Variants in CYP2J2 observed in about 807,000 individuals in gnomAD.
CYP2J2 encodes cytochrome P450 2J2.
In CYP2J2, 41 loss-of-function variants were observed where a neutral mutation model predicts 48.8. The ratio of observed to expected loss-of-function variants is 0.84; its 90% confidence interval spans 0.66 to 1.09. CYP2J2 has a LOEUF of 1.09. Among genes scored for constraint, CYP2J2 ranks in the 50% least tolerant of loss-of-function variants. The probability of loss-of-function intolerance (pLI) is 0.00; values close to 1 mark genes in which losing one functional copy is unlikely to be tolerated. For missense variants in CYP2J2, 644 were observed against 617.3 expected (o/e 1.04, Z -0.46); for synonymous variants, 221 against 227.1 (o/e 0.97, Z 0.24).
intron 8 of CYP2J2, among the ~76,000 whole-genome samples, chr1:59,896,281 AGTGT>A (rs993739487): frequency 1.7e-4 from 25 of 149,186 alleles, no homozygotes; most frequent in Middle Eastern, 3.2e-3. Flanking sequence ...TATGTCCAAA[AGTGT>A]GTGTGTGTAC....
chr1:59,931,454 G>T (rs1259669329), upstream of CYP2J2, among the ~76,000 whole-genome samples: 1 of 152,022 alleles, frequency 6.6e-6, no homozygotes, highest in African/African-American at 2.4e-5. Context: ...AAGAAAAAAA[G>T]TTTGACATTG....
chr1:59,938,807 T>C, the CYP2J2 span, among the ~76,000 whole-genome samples: 1 of 152,238 alleles, frequency 6.6e-6, no homozygotes, highest in Non-Finnish European at 1.5e-5. Context: ...CACATGGGGA[T>C]AAACCTTGGA....
At chr1:59,934,250 A>G in the CYP2J2 span, among the ~76,000 whole-genome samples, 1 of 152,194 alleles carries the variant, frequency 6.6e-6, no homozygotes, top group Non-Finnish European at 1.5e-5. Flanking sequence ...TGGATTAAAA[A>G]CCTAAACATA....
chr1:59,893,584 A>C lies in CYP2J2; in HGVS notation c.*67T>G. 8.1e-7 allele frequency: 1 copy of C among 1,228,904 alleles called. No homozygotes were observed. The highest frequency in any genetic ancestry group is 1.7e-5 in the South Asian group (1 of 60,328). The allele number at this position is 1,228,904 out of a possible 1,614,324, so 76.1% of individuals were successfully genotyped here. A position where few individuals can be genotyped will look rare whatever the true frequency, so the allele number is the denominator to read the frequency against. On this transcript the variant is annotated 3_prime_UTR_variant, in exon 9 of 9. Transcript: ENST00000371204. ...ATTTTGTCCCAACACATCTGAGCAGACACCAGTGGTTTCAGAACACGTGCC... is the reference window on the plus strand; with the variant it reads ...ATTTTGTCCCAACACATCTGAGCAGCCACCAGTGGTTTCAGAACACGTGCC...
chr1:59,916,371 C>G (rs1644465956), intron 1 of CYP2J2, among the ~76,000 whole-genome samples: 1 of 152,078 alleles, frequency 6.6e-6, no homozygotes, highest in Admixed American at 6.6e-5. Context: ...TGTATTCAAC[C>G]AACATGAACT....
intron 8 of CYP2J2, among the ~76,000 whole-genome samples, chr1:59,897,006 TTGTC>T (rs1574244459): frequency 6.6e-6 from 1 of 152,230 alleles, no homozygotes; most frequent in African/African-American, 2.4e-5. Context: ...GTTTTGTCCT[TTGTC>T]TGTAACAGGT....
the CYP2J2 span, among the ~76,000 whole-genome samples, chr1:59,951,591 C>T: frequency 6.6e-6 from 1 of 152,168 alleles, no homozygotes; most frequent in South Asian, 2.1e-4. Context: ...AGTGTAAGAC[C>T]AGTACATAGT....
At chr1:59,948,254 C>T in the CYP2J2 span, among the ~76,000 whole-genome samples, 1 of 152,230 alleles carries the variant, frequency 6.6e-6, no homozygotes, top group South Asian at 2.1e-4. Context: ...TCTTTTCTCC[C>T]TCAATTATTC....
chr1:59,967,262 A>T, the CYP2J2 span, among the ~76,000 whole-genome samples: 1 of 152,206 alleles, frequency 6.6e-6, no homozygotes, highest in Non-Finnish European at 1.5e-5. Flanking sequence ...AAACCTCTTA[A>T]AAGAGGTTTA....
intron 8 of CYP2J2, among the ~76,000 whole-genome samples, chr1:59,897,593 A>G (rs1262044096): frequency 1.3e-5 from 2 of 152,206 alleles, no homozygotes. Flanking sequence ...CCTCAGTAGT[A>G]AAATGAGAGA....
intron 8 of CYP2J2, 133 bp downstream of exon 8, chr1:59,900,832 A>C: frequency 9.8e-7 from 1 of 1,021,656 alleles, no homozygotes; most frequent in Non-Finnish European, 1.4e-6. Flanking sequence ...TGCCCCCTAC[A>C]GCAAGATGGA....
the CYP2J2 span, among the ~76,000 whole-genome samples, chr1:59,935,547 A>G: frequency 6.6e-6 from 1 of 152,238 alleles, no homozygotes; most frequent in African/African-American, 2.4e-5. Flanking sequence ...TTTACCAATT[A>G]TATTTCAATA....
At chr1:59,944,300 G>A in the CYP2J2 span, among the ~76,000 whole-genome samples, 2 of 151,666 alleles carry the variant, frequency 1.3e-5, no homozygotes, top group Non-Finnish European at 2.9e-5. Flanking sequence ...TCGGCTTACT[G>A]CAGCTTCAAC....
upstream of CYP2J2, among the ~76,000 whole-genome samples, chr1:59,929,296 A>G (rs1644591962): frequency 6.6e-6 from 1 of 152,264 alleles, no homozygotes; most frequent in African/African-American, 2.4e-5. Flanking sequence ...AGAGAAGAGC[A>G]GATCATTAGC....
In CYP2J2 at chr1:59,898,481, C is replaced by A. The variant is rs145927255; in HGVS notation, c.1330+2484G>T. 4.6e-5 allele frequency among the ~76,000 whole-genome samples: 7 copies of A among 152,338 alleles called. No individual in the cohort carries two copies. In the East Asian group the frequency reaches 1.2e-3, roughly 25 times the overall value. On this transcript the variant is annotated intron_variant, in intron 8 of 8. Coordinates refer to ENST00000371204, the MANE Select transcript of CYP2J2 (RefSeq NM_000775.4). ...CCAGGGGGCCGAGCCAAGATGGGCA[C>A]AGCCACATATCTGACTTATAGACTT... is the stretch of plus-strand genomic sequence containing the variant.
intron 6 of CYP2J2, 89 bp from the exon 7 acceptor site, chr1:59,905,147 G>A (rs927747921): frequency 3.0e-6 from 4 of 1,320,040 alleles, no homozygotes; most frequent in Admixed American, 2.5e-5. Context: ...GTCATCTGTT[G>A]TATTTCAATT....
intron 1 of CYP2J2, among the ~76,000 whole-genome samples, chr1:59,917,281 G>A (rs558369716): frequency 1.3e-5 from 2 of 152,278 alleles, no homozygotes; most frequent in African/African-American, 2.4e-5. Flanking sequence ...GAGGGCCGTG[G>A]ATGCATTCTT....
chr1:59,965,740 C>T, the CYP2J2 span, among the ~76,000 whole-genome samples: 2 of 152,166 alleles, frequency 1.3e-5, no homozygotes, highest in African/African-American at 4.8e-5. Context: ...CAATCTCTGC[C>T]TCCCAAGTTC....
chr1:59,944,602 C>T, the CYP2J2 span, among the ~76,000 whole-genome samples: 5 of 152,076 alleles, frequency 3.3e-5, no homozygotes, highest in African/African-American at 4.8e-5. Flanking sequence ...ATTTAAATAC[C>T]GATAAATATG....
Sources: allele counts gnomAD v4.1 joint callset (sites outside exome capture counted in the v4.1 genomes callset), GRCh38; gene constraint gnomAD v4.1.1; transcripts MANE v1.5; gene names NCBI Gene and HGNC (gene_info 2026-07-23, HGNC 2026-07-21).